KALRN: variants seen among roughly 807,000 people sequenced by gnomAD.
KALRN encodes the protein kalirin RhoGEF kinase.
In KALRN, 70 loss-of-function variants were observed where a neutral mutation model predicts 353.7. The ratio of observed to expected loss-of-function variants is 0.20; its 90% confidence interval spans 0.16 to 0.24. The LOEUF is 0.24. KALRN is among the 10% of genes least tolerant of loss of function. The pLI, the probability that KALRN is intolerant of heterozygous loss-of-function variation, is 1.00. For missense variants in KALRN, 2,791 were observed against 3,756.7 expected, an observed-to-expected ratio of 0.74 and a Z score of 6.72; for synonymous variants, 1,391 against 1,434.8, an observed-to-expected ratio of 0.97 and a Z score of 0.69.
intron 16 of KALRN, among the ~76,000 whole-genome samples, 193 bp downstream of exon 16, chr3:124,430,968 G>A (rs1331821761): frequency 6.6e-6 from 1 of 152,186 alleles, no homozygotes; most frequent in African/African-American, 2.4e-5. Flanking sequence ...CCCCAGGGAG[G>A]CCTGGTATTA....
At chr3:124,193,591 A>G (rs1260328745) in intron 1 of KALRN, among the ~76,000 whole-genome samples, 3 of 151,910 alleles carry the variant, frequency 2.0e-5, no homozygotes, top group African/African-American at 7.3e-5. Context: ...TTCTACATAT[A>G]CAATCAAATT....
intron 51 of KALRN, among the ~76,000 whole-genome samples, chr3:124,683,796 C>G (rs1218427114): frequency 6.6e-6 from 1 of 152,158 alleles, no homozygotes; most frequent in African/African-American, 2.4e-5. Flanking sequence ...TTGGGATCTT[C>G]TGGGAGAGGG....
At chr3:124,553,263 A>C (rs2070775120) in intron 33 of KALRN, among the ~76,000 whole-genome samples, 1 of 152,240 alleles carries the variant, frequency 6.6e-6, no homozygotes, top group Admixed American at 6.5e-5. Flanking sequence ...CCTACTTTAC[A>C]GATAAGGAAA....
chr3:124,526,588 A>G (rs1281275283), intron 33 of KALRN, among the ~76,000 whole-genome samples: 1 of 152,088 alleles, frequency 6.6e-6, no homozygotes, highest in African/African-American at 2.4e-5. Flanking sequence ...AAATAATAAT[A>G]ATAATGATAA....
At chr3:124,299,002 G>C in intron 6 of KALRN, 89 bp downstream of exon 6, 1 of 1,526,976 alleles carries the variant, frequency 6.5e-7, no homozygotes, top group Non-Finnish European at 9.0e-7. Flanking sequence ...CTTTCCACCC[G>C]AGGAAGAACT....
intron 5 of KALRN, among the ~76,000 whole-genome samples, chr3:124,296,908 T>G (rs1205457457): frequency 6.6e-6 from 1 of 152,208 alleles, no homozygotes; most frequent in East Asian, 1.9e-4. Context: ...CCCATCTCAC[T>G]CCTCAAGGAT....
intron 9 of KALRN, among the ~76,000 whole-genome samples, chr3:124,343,301 G>T (rs1180170766): frequency 2.0e-5 from 3 of 152,160 alleles, no homozygotes; most frequent in Non-Finnish European, 2.9e-5. Context: ...GGGACTACAG[G>T]TGTGCACCAC....
chr3:124,434,076 G>C (rs1409569012), intron 16 of KALRN, among the ~76,000 whole-genome samples: 4 of 152,188 alleles, frequency 2.6e-5, no homozygotes, highest in Non-Finnish European at 5.9e-5. Context: ...GAAAAAGAAA[G>C]AAGTGGGGAC....
At chr3:124,214,217 C>A (rs1036669547) in intron 1 of KALRN, among the ~76,000 whole-genome samples, 2 of 152,034 alleles carry the variant, frequency 1.3e-5, no homozygotes, top group Non-Finnish European at 2.9e-5. Context: ...TTGTACATAA[C>A]TATTTTATAA....
At chr3:124,105,694 G>A (rs780571437) in intron 1 of KALRN, among the ~76,000 whole-genome samples, 22 of 152,144 alleles carry the variant, frequency 1.4e-4, no homozygotes, top group Non-Finnish European at 2.6e-4. Context: ...ACCTCAATGA[G>A]AAGAAACCAG....
At chr3:124,202,802 T>C (rs2076076506) in intron 1 of KALRN, among the ~76,000 whole-genome samples, 1 of 152,096 alleles carries the variant, frequency 6.6e-6, no homozygotes, top group African/African-American at 2.4e-5. Context: ...CTCTGGAGAG[T>C]ACAAAATGTG....
intron 4 of KALRN, among the ~76,000 whole-genome samples, chr3:124,267,326 T>A (rs2073677572): frequency 6.6e-6 from 1 of 152,236 alleles, no homozygotes; most frequent in Non-Finnish European, 1.5e-5. Flanking sequence ...CTGGGGATTT[T>A]GAAAATGCAG....
chr3:124,395,695 A>C (rs1242461603), intron 12 of KALRN: 1 of 259,696 alleles, frequency 3.9e-6, no homozygotes, highest in Non-Finnish European at 7.6e-6. Flanking sequence ...ATTATGGAAC[A>C]TAGTGTTATT....
intron 10 of KALRN, among the ~76,000 whole-genome samples, chr3:124,349,420 T>C (rs1040042190): frequency 2.0e-5 from 3 of 152,148 alleles, no homozygotes; most frequent in African/African-American, 4.8e-5. Context: ...CCAACACAAA[T>C]TGGTAAACTT....
At chr3:124,086,557 T>C (rs2060835637) in intron 1 of KALRN, among the ~76,000 whole-genome samples, 1 of 152,180 alleles carries the variant, frequency 6.6e-6, no homozygotes, top group South Asian at 2.1e-4. Flanking sequence ...TAGGAACTTT[T>C]TGTAAATTAG....
At chr3:124,411,609 T>A (rs1321700046) in intron 13 of KALRN, among the ~76,000 whole-genome samples, 1 of 151,772 alleles carries the variant, frequency 6.6e-6, no homozygotes, top group African/African-American at 2.4e-5. Flanking sequence ...GCCTAGCTAA[T>A]GTATTATTAT....
intron 1 of KALRN, among the ~76,000 whole-genome samples, chr3:124,167,230 A>G (rs2071015516): frequency 6.6e-6 from 1 of 152,086 alleles, no homozygotes; most frequent in Non-Finnish European, 1.5e-5. Context: ...TGTGGCTCCT[A>G]TGAAATTGGC....
At chr3:124,340,528 A>G (rs911654530) in intron 9 of KALRN, among the ~76,000 whole-genome samples, 1 of 152,074 alleles carries the variant, frequency 6.6e-6, no homozygotes, top group Non-Finnish European at 1.5e-5. Flanking sequence ...GTCTCCAAAA[A>G]AAGAAGAAGA....
intron 3 of KALRN, among the ~76,000 whole-genome samples, chr3:124,246,019 G>A (rs2081082580): frequency 6.6e-6 from 1 of 152,044 alleles, no homozygotes; most frequent in Non-Finnish European, 1.5e-5. Flanking sequence ...TCCATCCATG[G>A]TCATGCAAAT....
Sources: gnomAD v4.1 joint callset for allele counts (sites outside exome capture counted in the v4.1 genomes callset) on GRCh38, gnomAD v4.1.1 for gene constraint, MANE v1.5 for transcripts, NCBI Gene and HGNC (gene_info 2026-07-23, HGNC 2026-07-21) for gene names.